Variants in DYDC1 observed in about 807,000 individuals in gnomAD.
The protein encoded by DYDC1 is DPY30 domain-containing protein 1.
DYDC1 carries 21 observed loss-of-function variants against 27.9 expected under a neutral mutation model. The observed-to-expected ratio is 0.75, with a 90% confidence interval of 0.53 to 1.08. The LOEUF (loss-of-function observed/expected upper bound fraction) is 1.08, where lower values mean the gene tolerates loss of function less well. Among genes scored for constraint, DYDC1 ranks in the 50% least tolerant of loss-of-function variants. The pLI is 0.00. For missense variants in DYDC1, 202 were observed against 205.9 expected (o/e 0.98, Z 0.12); for synonymous variants, 67 against 65.8 (o/e 1.02, Z -0.09).
At chr10:80,339,385 T>G (rs762348662) in intron 4 of DYDC1, among the ~76,000 whole-genome samples, 6 of 152,176 alleles carry the variant, frequency 3.9e-5, no homozygotes, top group African/African-American at 1.4e-4. Flanking sequence ...AAATAAAAGT[T>G]TTTTAAAAAT....
chr10:80,338,962 C>T (rs1466820388), intron 5 of DYDC1, 135 bp downstream of exon 5: 13 of 499,562 alleles, frequency 2.6e-5, no homozygotes, highest in Admixed American at 4.4e-5. Flanking sequence ...TTGTTATCAC[C>T]GGAAAATATA....
intron 1 of DYDC1, among the ~76,000 whole-genome samples, chr10:80,354,767 C>A (rs1161217275): frequency 6.6e-6 from 1 of 152,148 alleles, no homozygotes; most frequent in Non-Finnish European, 1.5e-5. Flanking sequence ...CACCTGCACA[C>A]CAGCCAGAGG....
At chr10:80,342,896 G>A (rs1223394262) in intron 3 of DYDC1, among the ~76,000 whole-genome samples, 5 of 148,394 alleles carry the variant, frequency 3.4e-5, no homozygotes, top group Non-Finnish European at 3.0e-5. Flanking sequence ...CAGGAGAATC[G>A]CTTGAACCTG....
chr10:80,341,102 A>G (rs1842302482), intron 4 of DYDC1, among the ~76,000 whole-genome samples: 1 of 152,192 alleles, frequency 6.6e-6, no homozygotes, highest in Admixed American at 6.5e-5. Context: ...AGCTTTAATT[A>G]TGGAATAAAA....
chr10:80,337,041 C>G (rs1842153684), intron 6 of DYDC1: 1 of 852,326 alleles, frequency 1.2e-6, no homozygotes, highest in South Asian at 5.4e-5. Flanking sequence ...CTGCCTTTAT[C>G]CACCTCTCCA....
intron 1 of DYDC1, 177 bp from the exon 2 acceptor site, chr10:80,352,787 G>T: frequency 2.8e-6 from 2 of 723,988 alleles, no homozygotes; most frequent in East Asian, 6.8e-5. Context: ...TTTCCAAAAG[G>T]GCTCCAAGGA....
chr10:80,344,466 AGTT>A (rs1244027250), intron 3 of DYDC1, among the ~76,000 whole-genome samples: 2 of 152,176 alleles, frequency 1.3e-5, no homozygotes, highest in African/African-American at 4.8e-5. Flanking sequence ...AACACTGCTC[AGTT>A]GTTGTTTATG....
At chr10:80,352,331 C>A in intron 2 of DYDC1, 124 bp downstream of exon 2, 9 of 1,300,812 alleles carry the variant, frequency 6.9e-6, no homozygotes, top group Non-Finnish European at 9.0e-6. Context: ...TCATGTTGTT[C>A]AAGTTTTTGT....
intron 1 of DYDC1, among the ~76,000 whole-genome samples, chr10:80,354,128 A>AT (rs1564668107): frequency 5.9e-4 from 87 of 146,580 alleles, no homozygotes; most frequent in South Asian, 2.2e-3. Context: ...ATATAAAAAA[A>AT]AATATATATA....
intron 4 of DYDC1, among the ~76,000 whole-genome samples, chr10:80,341,985 T>A (rs978128181): frequency 3.4e-5 from 5 of 147,496 alleles, no homozygotes; most frequent in African/African-American, 1.3e-4. Flanking sequence ...GATTGTGCCA[T>A]TGCACTTCAG....
At chr10:80,351,766 A>T (rs1842994787) in intron 3 of DYDC1, 135 bp downstream of exon 3, 1 of 760,366 alleles carries the variant, frequency 1.3e-6, no homozygotes, top group South Asian at 1.9e-5. Flanking sequence ...AGACACACAC[A>T]TCCATAAAGA....
At chr10:80,354,963 T>A (rs77772983) in intron 1 of DYDC1, among the ~76,000 whole-genome samples, 4,404 of 152,140 alleles carry the variant, frequency 0.029, 181 homozygotes, top group South Asian at 0.16. Context: ...AAGATAAATA[T>A]TTAAATCAAT....
chr10:80,355,675 C>T (rs1476160530), intron 1 of DYDC1, among the ~76,000 whole-genome samples: 3 of 152,068 alleles, frequency 2.0e-5, no homozygotes, highest in Non-Finnish European at 2.9e-5. Flanking sequence ...ATCTCTAAGA[C>T]ACAGAATAAA....
At chr10:80,344,582 G>GT (rs1248095760) in intron 3 of DYDC1, among the ~76,000 whole-genome samples, 2 of 152,178 alleles carry the variant, frequency 1.3e-5, no homozygotes, top group Non-Finnish European at 2.9e-5. Context: ...AACTTGAATT[G>GT]TATCTCCCAG....
Position 80,351,751 on chromosome 10 carries a change from A to G in DYDC1, c.249+150T>C, listed in dbSNP as rs550623670. ...AACTCATGGCTGCTGCTTCTCCAGC[A>G]AAGAAGACACACACATCCATAAAGA... On this transcript the variant is annotated intron_variant, in intron 3 of 6. Coordinates refer to ENST00000372202, the MANE Select transcript of DYDC1 (RefSeq NM_001269053.2). The G allele has an allele frequency of 1.9e-5, 13 of 688,918 alleles. No homozygotes were observed. In the South Asian group the frequency reaches 2.3e-4, roughly 12 times the overall value. The allele number at this position is 688,918 out of a possible 1,614,324, so 42.7% of individuals were successfully genotyped here.
At chr10:80,338,246 T>C in intron 6 of DYDC1, 1 of 985,452 alleles carries the variant, frequency 1.0e-6, no homozygotes, top group Middle Eastern at 5.2e-4. Flanking sequence ...AAGTCACAGA[T>C]ACGGAGATAT....
chr10:80,336,044 G>T, downstream of DYDC1: 1 of 701,182 alleles, frequency 1.4e-6, no homozygotes. Flanking sequence ...GCAGTCCTTA[G>T]AGGAAAAAAA....
chr10:80,354,522 G>GTCAGGCA (rs907501676), intron 1 of DYDC1: 1 of 151,770 alleles, frequency 6.6e-6, no homozygotes, highest in Non-Finnish European at 1.5e-5. Flanking sequence ...CCTATTATAG[G>GTCAGGCA]TCAGGCACCA....
chr10:80,343,220 G>A lies in DYDC1; in HGVS notation c.250-859C>T, dbSNP rs181051750. 2.5e-3 allele frequency among the ~76,000 whole-genome samples: 388 copies of A among 152,176 alleles called. 1 individual carries two copies. Among genetic ancestry groups the A allele is most frequent in the African/African-American group, 8.5e-3 (354 of 41,526 alleles). On this transcript the variant is annotated intron_variant, in intron 3 of 6. Coordinates refer to ENST00000372202, the MANE Select transcript of DYDC1 (RefSeq NM_001269053.2). ...ATAATATTTCATGACATAGGAAAAC[G>A]GTATGAAATGTAAATTTCAGCATCC...
Sources: gnomAD v4.1 joint callset for allele counts (sites outside exome capture counted in the v4.1 genomes callset) on GRCh38, gnomAD v4.1.1 for gene constraint, MANE v1.5 for transcripts, NCBI Gene and HGNC (gene_info 2026-07-23, HGNC 2026-07-21) for gene names.